The following LPP variants were observed in gnomAD, a reference collection of about 807,000 sequenced individuals.
The protein encoded by LPP is LIM domain containing preferred translocation partner in lipoma, also known as lipoma-preferred partner.
Under a neutral mutation model 60.4 loss-of-function variants are expected in LPP, and 38 were observed. That is an observed-to-expected ratio of 0.63 (90% CI 0.49 to 0.83). The LOEUF is 0.83. Among genes scored for constraint, LPP ranks in the 40% least tolerant of loss-of-function variants. The probability of loss-of-function intolerance (pLI) is 0.00; values close to 1 mark genes in which losing one functional copy is unlikely to be tolerated. For synonymous variants in LPP, 328 were observed against 290.8 expected, an observed-to-expected ratio of 1.13 and a Z score of -1.30; for missense variants, 902 against 783.6, an observed-to-expected ratio of 1.15 and a Z score of -1.80.
chr3:188,672,675 C>T (rs894614799), intron 7 of LPP, among the ~76,000 whole-genome samples: 1 of 152,176 alleles, frequency 6.6e-6, no homozygotes, highest in Admixed American at 6.5e-5. Flanking sequence ...CTGTGCCCTT[C>T]CTCTTCCTAT....
chr3:188,799,167 A>G (rs911526748), intron 9 of LPP, among the ~76,000 whole-genome samples: 2 of 152,254 alleles, frequency 1.3e-5, no homozygotes, highest in African/African-American at 2.4e-5. Context: ...AAGTAAATAA[A>G]TAGAAGCTCT....
rs560474052 is a variant in LPP, at chr3:188,641,789, C to G, written c.1113+31945C>G. ...AGGTTTCGGATGGACCAAGTATAGACACAACACTTCTGTTAATTCACATGG... is the reference window on the plus strand; with the variant it reads ...AGGTTTCGGATGGACCAAGTATAGAGACAACACTTCTGTTAATTCACATGG... On this transcript the variant is annotated intron_variant, in intron 7 of 11. Transcript: ENST00000617246. 5.9e-5 allele frequency among the ~76,000 whole-genome samples: 9 copies of G among 152,268 alleles called. No individual in the cohort carries two copies. In the South Asian group the frequency reaches 1.9e-3, roughly 32 times the overall value.
rs190299191 is a variant in LPP, at chr3:188,641,400, G to T, written c.1113+31556G>T. Among the ~76,000 whole-genome samples the T allele has an allele frequency of 1.3e-3, 192 of 152,252 alleles. 2 individuals carry two copies. The highest frequency in any genetic ancestry group is 4.4e-3 in the African/African-American group (183 of 41,528). The stretch of plus-strand genomic sequence containing the variant: ...TTTATACGATTTGGGAGGGGTTAGT[G>T]GGGAGGATTATACAGTATTTTTATG... On this transcript the variant is annotated intron_variant, in intron 7 of 11. Transcript: ENST00000617246.
intron 1 of LPP, among the ~76,000 whole-genome samples, chr3:188,171,297 G>A (rs984546847): frequency 6.6e-6 from 1 of 152,222 alleles, no homozygotes; most frequent in African/African-American, 2.4e-5. Flanking sequence ...CACAAAGTAG[G>A]CATTCCATGA....
At chr3:188,830,676 A>T (rs1560266894) in intron 9 of LPP, among the ~76,000 whole-genome samples, 2 of 152,128 alleles carry the variant, frequency 1.3e-5, no homozygotes, top group Non-Finnish European at 2.9e-5. Flanking sequence ...GGAAATAGGG[A>T]AGAAGGTTAT....
chr3:188,590,571 TTAAAAAAA>T (rs570640263), intron 6 of LPP, among the ~76,000 whole-genome samples: 315 of 152,190 alleles, frequency 2.1e-3, no homozygotes, highest in African/African-American at 7.3e-3. Context: ...AAGGCTGTGT[TTAAAAAAA>T]TAAAAAGACA....
At chr3:188,732,147 A>G (rs939453500) in intron 8 of LPP, among the ~76,000 whole-genome samples, 2 of 152,196 alleles carry the variant, frequency 1.3e-5, no homozygotes, top group African/African-American at 4.8e-5. Flanking sequence ...TAAGTAAGGA[A>G]ACTTGTGACC....
intron 9 of LPP, among the ~76,000 whole-genome samples, chr3:188,856,699 G>A (rs918793709): frequency 6.6e-6 from 1 of 152,148 alleles, no homozygotes; most frequent in African/African-American, 2.4e-5. Flanking sequence ...GTGAATTCCA[G>A]CTACTCTGGA....
intron 7 of LPP, among the ~76,000 whole-genome samples, chr3:188,640,879 A>T (rs1033459923): frequency 1.3e-5 from 2 of 152,174 alleles, no homozygotes; most frequent in African/African-American, 4.8e-5. Context: ...CCCATACAGA[A>T]ATTACTATTT....
upstream of LPP, chr3:188,153,908 C>G (rs1437136555): frequency 2.6e-5 from 4 of 152,706 alleles, no homozygotes; most frequent in Admixed American, 6.5e-5. Context: ...AACCAGCAGC[C>G]GCTCCAGCCC....
In LPP at chr3:188,217,017, G is replaced by A. The variant is rs556878991; in HGVS notation, c.-189-8388G>A. Among the ~76,000 whole-genome samples, 6 of 152,326 alleles carry A rather than the reference G, an allele frequency of 3.9e-5. No homozygotes were observed. Among genetic ancestry groups the A allele is most frequent in the East Asian group, 1.9e-4 (1 of 5,184 alleles). ...TGTTCTGGGCATTATCCCAGTACTC[G>A]ATTTAGAGCAAAGAGTAAGACACAC... is the stretch of plus-strand genomic sequence containing the variant. On this transcript the variant is annotated intron_variant, in intron 1 of 11. Coordinates refer to ENST00000617246, the MANE Select transcript of LPP (RefSeq NM_001375462.1). The surrounding 1 kb of genome is among the most constrained non-coding windows in gnomAD (Gnocchi z 4.0).
At chr3:188,227,332 C>G (rs1381087056) in intron 2 of LPP, among the ~76,000 whole-genome samples, 4 of 100,246 alleles carry the variant, frequency 4.0e-5, no homozygotes, top group African/African-American at 1.5e-4. Context: ...TGCTATCCCT[C>G]CCCCCTCCCC....
intron 1 of LPP, among the ~76,000 whole-genome samples, chr3:188,215,565 G>A (rs116825678): frequency 0.036 from 5,548 of 152,214 alleles, 139 homozygotes; most frequent in South Asian, 0.078. Flanking sequence ...TTCACTAAGC[G>A]TAGTGTCCTT....
At chr3:188,644,390 T>C (rs1015894920) in intron 7 of LPP, among the ~76,000 whole-genome samples, 1 of 152,166 alleles carries the variant, frequency 6.6e-6, no homozygotes, top group East Asian at 1.9e-4. Context: ...TCCAAGAATT[T>C]TGAACACCCT....
intron 5 of LPP, among the ~76,000 whole-genome samples, chr3:188,523,816 A>G (rs1424209620): frequency 1.3e-5 from 2 of 152,202 alleles, no homozygotes; most frequent in South Asian, 2.1e-4. Flanking sequence ...CCATATTCAT[A>G]TATGATCATT....
At chr3:188,545,509 A>G (rs1389232957) in intron 6 of LPP, among the ~76,000 whole-genome samples, 1 of 151,984 alleles carries the variant, frequency 6.6e-6, no homozygotes, top group Non-Finnish European at 1.5e-5. Context: ...CATATCTGCA[A>G]TTTTGATAGT....
chr3:188,550,577 C>CAAA (rs67052080), intron 6 of LPP, among the ~76,000 whole-genome samples: 2,420 of 66,412 alleles, frequency 0.036, 233 homozygotes, highest in African/African-American at 0.12. Flanking sequence ...GACTCCATCT[C>CAAA]AAAAAAAAAA....
intron 1 of LPP, among the ~76,000 whole-genome samples, chr3:188,194,355 C>T (rs1019798040): frequency 6.6e-6 from 1 of 152,218 alleles, no homozygotes; most frequent in African/African-American, 2.4e-5. Context: ...GTTATTACCA[C>T]TCAGCTCTTA....
At chr3:188,804,396 A>T (rs1435027286) in intron 9 of LPP, among the ~76,000 whole-genome samples, 1 of 150,584 alleles carries the variant, frequency 6.6e-6, no homozygotes, top group East Asian at 2.0e-4. Flanking sequence ...AGAAAGCCAA[A>T]TACTGCATGT....
Sources: gnomAD v4.1 joint callset for allele counts (sites outside exome capture counted in the v4.1 genomes callset) on GRCh38, gnomAD v4.1.1 for gene constraint, Gnocchi (gnomAD v3.1) non-coding constraint, MANE v1.5 for transcripts, NCBI Gene and HGNC (gene_info 2026-07-23, HGNC 2026-07-21) for gene names.